The following GABRA4 variants were observed in gnomAD, a reference collection of about 807,000 sequenced individuals.
The protein encoded by GABRA4 is gamma-aminobutyric acid type A receptor subunit alpha4, also known as gamma-aminobutyric acid receptor subunit alpha-4.
A neutral mutation model predicts 49.7 loss-of-function variants in GABRA4; 12 were observed. That is an observed-to-expected ratio of 0.24 (90% CI 0.15 to 0.39). GABRA4 has a LOEUF of 0.39. GABRA4 is among the 10% of genes least tolerant of loss of function. The pLI is 1.00. For synonymous variants in GABRA4, 288 were observed against 240.2 expected, an observed-to-expected ratio of 1.20 and a Z score of -1.84; for missense variants, 506 against 686.0, an observed-to-expected ratio of 0.74 and a Z score of 2.93.
At chr4:46,941,412 GAAT>G (rs1166265424) in intron 8 of GABRA4, among the ~76,000 whole-genome samples, 4 of 152,036 alleles carry the variant, frequency 2.6e-5, no homozygotes, top group Non-Finnish European at 5.9e-5. Context: ...AGTACAGTGA[GAAT>G]AATAACAATA....
rs1249302277 is a variant in GABRA4, at chr4:46,919,593, TG to T, written c.*8631del. 2.0e-5 allele frequency: 3 copies of T among 151,750 alleles called. No individual in the cohort carries two copies. Among genetic ancestry groups the T allele is most frequent in the Non-Finnish European group, 3.0e-5 (2 of 67,584 alleles). The allele number at this position is 151,750 out of a possible 1,614,324, so 9.4% of individuals were successfully genotyped here. ...TATGATATGAGGAAATATGCATTAT[TG>T]TTTTTTTACTTCTATAATAAGGAAT... On this transcript the variant is annotated 3_prime_UTR_variant, in exon 9 of 9. Coordinates refer to ENST00000264318, the MANE Select transcript of GABRA4 (RefSeq NM_000809.4).
chr4:46,980,436 C>A (rs1358847810), intron 2 of GABRA4, among the ~76,000 whole-genome samples: 2 of 147,894 alleles, frequency 1.4e-5, no homozygotes, highest in Non-Finnish European at 3.0e-5. Flanking sequence ...CCAAAGTTAT[C>A]TTCATAAAAA....
rs566651036 is a variant in GABRA4, at chr4:46,992,413, A to T, written c.205+415T>A. Among the ~76,000 whole-genome samples the T allele has an allele frequency of 8.7e-4, 132 of 152,340 alleles. 2 individuals carry two copies. The highest frequency in any genetic ancestry group is 8.5e-4 in the Non-Finnish European group (58 of 68,032). On this transcript the variant is annotated intron_variant, in intron 2 of 8. Coordinates refer to ENST00000264318, the MANE Select transcript of GABRA4 (RefSeq NM_000809.4). ...AGAACATTGGCCAAGGTTTTGGCATAGGCATGGACACGTGGGAGGATGAGG... is the reference window on the plus strand; with the variant it reads ...AGAACATTGGCCAAGGTTTTGGCATTGGCATGGACACGTGGGAGGATGAGG...
rs1051627049 is a variant in GABRA4 at position 46,919,382 on chromosome 4, A to G, written c.*8843T>C. 6.6e-6 allele frequency: 1 copy of G among 151,518 alleles called. No homozygotes were observed. Among genetic ancestry groups the G allele is most frequent in the Non-Finnish European group, 1.5e-5 (1 of 67,550 alleles). The allele number at this position is 151,518 out of a possible 1,614,324, so 9.4% of individuals were successfully genotyped here. On this transcript the variant is annotated 3_prime_UTR_variant, in exon 9 of 9. Coordinates refer to ENST00000264318, the MANE Select transcript of GABRA4 (RefSeq NM_000809.4). ...ATTCCTACATTGAATAAAATTGCCAATTTCAGGGAGTCAAATGTGATTACT... is the reference window on the plus strand; with the variant it reads ...ATTCCTACATTGAATAAAATTGCCAGTTTCAGGGAGTCAAATGTGATTACT...
At chr4:46,977,027 C>G in intron 5 of GABRA4, 34 bp downstream of exon 5, 1 of 1,263,868 alleles carries the variant, frequency 7.9e-7, no homozygotes, top group Non-Finnish European at 1.2e-6. Context: ...ATGAGGTAAT[C>G]ATAAATTCTA....
At chr4:46,942,445 C>G (rs1441799130) in intron 8 of GABRA4, among the ~76,000 whole-genome samples, 1 of 151,950 alleles carries the variant, frequency 6.6e-6, no homozygotes, top group African/African-American at 2.4e-5. Flanking sequence ...CACAGTGAAA[C>G]CCCATCTCTA....
chr4:46,974,351 A>G lies in GABRA4; in HGVS notation c.602T>C (p.Ile201Thr). 1 of 1,611,130 alleles carries G rather than the reference A, an allele frequency of 6.2e-7. No individual in the cohort carries two copies. The highest frequency in any genetic ancestry group is 8.5e-7 in the Non-Finnish European group (1 of 1,178,204). The change falls in exon 6 of 9, where the codon ATC becomes ACC. Residue 201 changes from isoleucine (I) to threonine (T), a missense_variant. This residue lies in a region of GABRA4 where 195 missense variants were observed against 326.0 expected (regional missense o/e 0.60). Transcript: ENST00000264318. ...CTCAGGACCTTTTGTCCAGGTATAG[A>G]TCATCTCACTCTTTGGATAGGCATC... ...GSYAYPKSEM[I>T]YTWTKGPEKS...
At chr4:46,934,830 C>T (rs183336873) in intron 8 of GABRA4, among the ~76,000 whole-genome samples, 146 of 152,264 alleles carry the variant, frequency 9.6e-4, no homozygotes, top group Non-Finnish European at 1.9e-3. Context: ...GAGGAAACCG[C>T]TTTGTTAGAG....
intron 3 of GABRA4, among the ~76,000 whole-genome samples, chr4:46,978,706 A>G (rs908898323): frequency 6.7e-5 from 10 of 150,100 alleles, no homozygotes; most frequent in Admixed American, 1.3e-4. Flanking sequence ...AAAAAAAAAA[A>G]AAAAAAAGAA....
At chr4:46,952,706 G>A (rs1340573799) in intron 8 of GABRA4, among the ~76,000 whole-genome samples, 1 of 152,096 alleles carries the variant, frequency 6.6e-6, no homozygotes, top group East Asian at 1.9e-4. Context: ...GCTTAGGGAT[G>A]AGAACTTGGT....
intron 8 of GABRA4, among the ~76,000 whole-genome samples, chr4:46,936,668 T>C (rs528093908): frequency 5.9e-5 from 9 of 152,326 alleles, no homozygotes; most frequent in African/African-American, 1.7e-4. Context: ...AATATTCATA[T>C]GTCATTATGT....
At chr4:46,970,239 A>C (rs957849119) in intron 7 of GABRA4, among the ~76,000 whole-genome samples, 3 of 151,418 alleles carry the variant, frequency 2.0e-5, no homozygotes, top group African/African-American at 7.3e-5. Context: ...CATGGCTGTG[A>C]TCCTACTAGG....
rs1309438969 is a variant in GABRA4, at chr4:46,922,891, T to A, written c.*5334A>T. On this transcript the variant is annotated 3_prime_UTR_variant, in exon 9 of 9. Coordinates refer to ENST00000264318, the MANE Select transcript of GABRA4 (RefSeq NM_000809.4). ...CCCCTGGGCCACTGACCAGTACTTA[T>A]CCATGACCTGTTAGGAATTGGGCAG... is the stretch of plus-strand genomic sequence containing the variant. 2 of 152,168 alleles carry A rather than the reference T, an allele frequency of 1.3e-5. No individual in the cohort carries two copies. The highest frequency in any genetic ancestry group is 4.8e-5 in the African/African-American group (2 of 41,448). 9.4% of individuals were successfully genotyped at this position (152,168 alleles called of 1,614,324 possible).
chr4:46,953,200 C>T (rs181742188), intron 8 of GABRA4, among the ~76,000 whole-genome samples: 2 of 152,190 alleles, frequency 1.3e-5, no homozygotes, highest in African/African-American at 4.8e-5. Context: ...ATCCTTTCTA[C>T]TCTCCTTTAT....
chr4:46,949,196 G>C (rs985311439), intron 8 of GABRA4, among the ~76,000 whole-genome samples: 2 of 152,084 alleles, frequency 1.3e-5, no homozygotes, highest in African/African-American at 4.8e-5. Context: ...TGGACAGTAA[G>C]TTAACTGCAA....
intron 8 of GABRA4, among the ~76,000 whole-genome samples, chr4:46,940,559 C>G (rs1394777079): frequency 6.6e-6 from 1 of 151,846 alleles, no homozygotes; most frequent in East Asian, 1.9e-4. Flanking sequence ...TAGTCTTTAC[C>G]AATGGAAGTA....
rs1315341599 is a variant in GABRA4, at chr4:46,929,681, T to C, written c.1135-926A>G. On this transcript the variant is annotated intron_variant, in intron 8 of 8. Transcript: ENST00000264318. ...GGACAGTAATTTCTCAGATGTTCCC[T>C]GAAATACCCACGTCTGAGTTTTTAG... Among the ~76,000 whole-genome samples the C allele has an allele frequency of 2.0e-5, 3 of 152,128 alleles. No homozygotes were observed. In the East Asian group the frequency reaches 5.8e-4, roughly 29 times the overall value.
intron 8 of GABRA4, among the ~76,000 whole-genome samples, chr4:46,959,979 A>G (rs1002470497): frequency 1.1e-4 from 16 of 151,312 alleles, no homozygotes; most frequent in African/African-American, 3.6e-4. Context: ...TTAGAAAATC[A>G]CAAATTGAAA....
At chr4:46,929,797 A>G (rs144864821) in intron 8 of GABRA4, among the ~76,000 whole-genome samples, 505 of 152,098 alleles carry the variant, frequency 3.3e-3, no homozygotes, top group African/African-American at 0.011. Context: ...ACTTTCCATA[A>G]CTTCTCCCCT....
Sources: gnomAD v4.1 joint callset for allele counts (sites outside exome capture counted in the v4.1 genomes callset) on GRCh38, gnomAD v4.1.1 for gene constraint, gnomAD v4.1.1 regional missense constraint, MANE v1.5 for transcripts, NCBI Gene and HGNC (gene_info 2026-07-23, HGNC 2026-07-21) for gene names.